The following NRG3 variants were observed in gnomAD, a reference collection of about 807,000 sequenced individuals.
The protein encoded by NRG3 is neuregulin 3.
In NRG3, 31 loss-of-function variants were observed where a neutral mutation model predicts 66.9. The observed-to-expected ratio is 0.46, with a 90% CI of 0.35 to 0.63. The LOEUF is 0.63. Among genes scored for constraint, NRG3 ranks in the 20% least tolerant of loss-of-function variants. The pLI is 0.00. For missense variants in NRG3, 910 were observed against 878.9 expected, an observed-to-expected ratio of 1.04 and a Z score of -0.45; for synonymous variants, 393 against 359.4, an observed-to-expected ratio of 1.09 and a Z score of -1.06.
chr10:82,325,710 T>G (rs1179477783), intron 1 of NRG3, among the ~76,000 whole-genome samples: 1 of 152,172 alleles, frequency 6.6e-6, no homozygotes, highest in Non-Finnish European at 1.5e-5. Context: ...AGTTTTAGTA[T>G]ATACCTCTAG....
intron 4 of NRG3, among the ~76,000 whole-genome samples, chr10:82,919,255 C>T (rs1272896296): frequency 4.6e-5 from 7 of 152,128 alleles, no homozygotes; most frequent in African/African-American, 1.2e-4. Flanking sequence ...ATTGTACATA[C>T]GTGTGCACCC....
chr10:82,449,993 AT>A (rs2090940535), intron 2 of NRG3, among the ~76,000 whole-genome samples: 1 of 152,116 alleles, frequency 6.6e-6, no homozygotes, highest in Non-Finnish European at 1.5e-5. Context: ...GTTTCTGTGG[AT>A]TTTGTTTGTT....
In NRG3 at chr10:82,720,587, C is replaced by G. The variant is rs1453617068; in HGVS notation, c.954-17990C>G. 2.6e-5 allele frequency among the ~76,000 whole-genome samples: 4 copies of G among 151,844 alleles called. No homozygotes were observed. In the East Asian group the frequency reaches 7.7e-4, roughly 29 times the overall value. On this transcript the variant is annotated intron_variant, in intron 2 of 8. Transcript: ENST00000372141. Reference sequence around the variant, plus strand: ...GGTTGATTCAACTTCAATCTCTAAACCTACAAAATAGTGGTAACAACATCT... The same window carrying G: ...GGTTGATTCAACTTCAATCTCTAAAGCTACAAAATAGTGGTAACAACATCT...
intron 3 of NRG3, chr10:82,859,051 A>G (rs2063970333): frequency 6.9e-6 from 1 of 144,558 alleles, no homozygotes; most frequent in African/African-American, 2.6e-5. Flanking sequence ...GGTTCATGCC[A>G]TTCTCCTGCC....
intron 4 of NRG3, among the ~76,000 whole-genome samples, chr10:82,927,234 C>G (rs963327537): frequency 1.3e-5 from 2 of 152,062 alleles, no homozygotes; most frequent in African/African-American, 4.8e-5. Flanking sequence ...ATTTACCCAG[C>G]ACAATAAAGG....
At chr10:82,781,777 GT>G (rs2060126472) in intron 3 of NRG3, among the ~76,000 whole-genome samples, 1 of 151,874 alleles carries the variant, frequency 6.6e-6, no homozygotes, top group Non-Finnish European at 1.5e-5. Flanking sequence ...TCTTACTCCT[GT>G]TTCCTGAAGA....
At chr10:82,529,928 G>A (rs1847095817) in intron 2 of NRG3, among the ~76,000 whole-genome samples, 1 of 152,112 alleles carries the variant, frequency 6.6e-6, no homozygotes, top group Non-Finnish European at 1.5e-5. Flanking sequence ...AAATGTCTTG[G>A]ATTTATTAAC....
intron 4 of NRG3, among the ~76,000 whole-genome samples, chr10:82,882,323 T>G (rs1842372921): frequency 6.6e-6 from 1 of 152,290 alleles, no homozygotes; most frequent in Non-Finnish European, 1.5e-5. Flanking sequence ...GAATTTCAAA[T>G]CCCATTGTCT....
intron 2 of NRG3, among the ~76,000 whole-genome samples, chr10:82,709,619 T>TC: frequency 6.6e-6 from 1 of 152,040 alleles, no homozygotes; most frequent in South Asian, 2.1e-4. Flanking sequence ...GACCTCATGA[T>TC]CCCCCCGCCT....
chr10:82,259,014 G>A (rs2077881667), intron 1 of NRG3, among the ~76,000 whole-genome samples: 1 of 152,152 alleles, frequency 6.6e-6, no homozygotes. Flanking sequence ...ATTGTGAAAT[G>A]GAAGATGAAA....
At chr10:82,028,780 A>G (rs1200240803) in intron 1 of NRG3, among the ~76,000 whole-genome samples, 1 of 152,140 alleles carries the variant, frequency 6.6e-6, no homozygotes, top group East Asian at 1.9e-4. Flanking sequence ...AACCTTGGCT[A>G]TACTTACATA....
At chr10:82,801,311 G>GT (rs777593370) in intron 3 of NRG3, among the ~76,000 whole-genome samples, 11 of 152,186 alleles carry the variant, frequency 7.2e-5, no homozygotes, top group Non-Finnish European at 1.5e-4. Flanking sequence ...AATTAAGAGC[G>GT]TAAGACTGAA....
chr10:82,192,986 AG>A (rs1159177090), intron 1 of NRG3, among the ~76,000 whole-genome samples: 9 of 151,210 alleles, frequency 6.0e-5, no homozygotes, highest in Admixed American at 2.0e-4. Context: ...AGAGAGAGAG[AG>A]AGAGAGAGAG....
chr10:82,752,971 T>A (rs978005423), intron 3 of NRG3, among the ~76,000 whole-genome samples: 4 of 152,220 alleles, frequency 2.6e-5, no homozygotes, highest in African/African-American at 9.6e-5. Context: ...TGCATTTGGT[T>A]TATTTGCTGT....
intron 1 of NRG3, among the ~76,000 whole-genome samples, chr10:82,015,999 G>T (rs1430504272): frequency 6.7e-6 from 1 of 150,104 alleles, no homozygotes; most frequent in Non-Finnish European, 1.5e-5. Flanking sequence ...TGGATTTGAT[G>T]CAGGCAAACT....
chr10:82,348,509 T>C (rs1371753772), intron 1 of NRG3, among the ~76,000 whole-genome samples: 1 of 150,416 alleles, frequency 6.6e-6, no homozygotes, highest in African/African-American at 2.5e-5. Flanking sequence ...CATTTTTTCC[T>C]TCATTTCAAC....
chr10:82,426,237 A>G (rs1236551245), intron 2 of NRG3, among the ~76,000 whole-genome samples: 1 of 150,686 alleles, frequency 6.6e-6, no homozygotes, highest in Admixed American at 6.7e-5. Context: ...TCCTGAAGGT[A>G]AAAGTTATGA....
chr10:82,967,394 A>AT (rs1851310018), intron 6 of NRG3, among the ~76,000 whole-genome samples: 1 of 152,054 alleles, frequency 6.6e-6, no homozygotes, highest in Non-Finnish European at 1.5e-5. Context: ...TTATTTATAA[A>AT]TTTCCACTCC....
At chr10:82,764,396 G>A (rs75499447) in intron 3 of NRG3, among the ~76,000 whole-genome samples, 1 of 86,990 alleles carries the variant, frequency 1.1e-5, no homozygotes, top group African/African-American at 4.9e-5. Context: ...TTTTTTTTTT[G>A]AGACTTAGTC....
Sources: allele counts gnomAD v4.1 joint callset (sites outside exome capture counted in the v4.1 genomes callset), GRCh38; gene constraint gnomAD v4.1.1; transcripts MANE v1.5; gene names NCBI Gene and HGNC (gene_info 2026-07-23, HGNC 2026-07-21).